SH3D19: variants seen among roughly 807,000 people sequenced by gnomAD.
SH3D19 encodes the protein SH3 domain-containing protein 19.
SH3D19 carries 58 observed loss-of-function variants against 112.1 expected under a neutral mutation model. That is an observed-to-expected ratio of 0.52 (90% confidence interval 0.42 to 0.64). The LOEUF (loss-of-function observed/expected upper bound fraction) is 0.64, where lower values mean the gene tolerates loss of function less well. SH3D19 is among the 30% of genes least tolerant of loss of function. The probability of loss-of-function intolerance (pLI) is 0.00; values close to 1 mark genes in which losing one functional copy is unlikely to be tolerated. For missense variants in SH3D19, 1,090 were observed against 1,263.4 expected (o/e 0.86, Z 2.08); for synonymous variants, 391 against 448.5 (o/e 0.87, Z 1.62).
chr4:151,217,881 G>A (rs1390380268), intron 2 of SH3D19, among the ~76,000 whole-genome samples: 1 of 151,934 alleles, frequency 6.6e-6, no homozygotes, highest in African/African-American at 2.4e-5. Flanking sequence ...TTCTAAATAA[G>A]TTAAAAAAGT....
Position 151,226,192 on chromosome 4 carries a change from C to T in SH3D19, c.113-106G>A. 3.3e-6 allele frequency: 4 copies of T among 1,228,622 alleles called. No homozygotes were observed. The East Asian group carries it at 1.3e-4, about 39-fold the overall frequency. 76.1% of individuals were successfully genotyped at this position (1,228,622 alleles called of 1,614,324 possible). A position where few individuals can be genotyped will look rare whatever the true frequency, so the allele number is the denominator to read the frequency against. ...CCATTAGATTTCACAAAGGACTGTTCAAAGGTAGTTGTGTCTTCCTAAGTA... is the reference window on the plus strand; with the variant it reads ...CCATTAGATTTCACAAAGGACTGTTTAAAGGTAGTTGTGTCTTCCTAAGTA... On this transcript the variant is annotated intron_variant, in intron 1 of 19. Transcript: ENST00000604030.
chr4:151,133,584 C>T (rs1249459776), intron 15 of SH3D19, among the ~76,000 whole-genome samples: 1 of 152,122 alleles, frequency 6.6e-6, no homozygotes, highest in Non-Finnish European at 1.5e-5. Flanking sequence ...ATCATAAATG[C>T]ACTGAGTTGA....
chr4:151,307,028 T>C (rs1219322999), intron 1 of SH3D19, among the ~76,000 whole-genome samples: 1 of 150,330 alleles, frequency 6.7e-6, no homozygotes, highest in Non-Finnish European at 1.5e-5. Flanking sequence ...TTTTTTTTTT[T>C]TTTTTTTTGA....
chr4:151,317,031 C>T (rs1369571364), intron 1 of SH3D19, among the ~76,000 whole-genome samples: 1 of 152,218 alleles, frequency 6.6e-6, no homozygotes, highest in Non-Finnish European at 1.5e-5. Flanking sequence ...TGAAGGGGAA[C>T]ACTGCCACAT....
intron 7 of SH3D19, among the ~76,000 whole-genome samples, chr4:151,174,064 A>C (rs2149823733): frequency 6.6e-6 from 1 of 152,180 alleles, no homozygotes; most frequent in African/African-American, 2.4e-5. Flanking sequence ...AAAACTTTTC[A>C]CTCTCAAGGG....
rs1751056638 is a variant in SH3D19 at position 151,133,025 on chromosome 4, T to C, written c.2689+9A>G. On this transcript the variant is annotated intron_variant, in intron 16 of 19. Transcript: ENST00000604030. ...ACATAACATAATAAAAAAAATTCTC[T>C]ATACTCACTTAAAACATTTGCACCA... 4.3e-6 allele frequency: 7 copies of C among 1,611,312 alleles called. No homozygotes were observed. The highest frequency in any genetic ancestry group is 1.7e-5 in the Admixed American group (1 of 59,734).
Position 151,179,392 on chromosome 4 carries a change from G to A in SH3D19, c.199C>T (p.Arg67Trp), listed in dbSNP as rs1760463999. ...TGAAGTTCACTCTGAATAGAAGTCC[G>A]AGAAGCTGTTGAAGAAGGAATAAAC... ...SIRAVIKRSS[R>W]TSIQSELHRD... Residue 67 changes from arginine (R) to tryptophan (W), a missense_variant, in exon 4 of 20, where the codon CGG becomes TGG. Coordinates refer to ENST00000604030, the MANE Select transcript of SH3D19 (RefSeq NM_001378122.1). The A allele has an allele frequency of 7.3e-6, 9 of 1,230,012 alleles. No individual in the cohort carries two copies. The highest frequency in any genetic ancestry group is 4.1e-5 in the South Asian group (1 of 24,282). The allele number at this position is 1,230,012 out of a possible 1,614,324, so 76.2% of individuals were successfully genotyped here. A position where few individuals can be genotyped will look rare whatever the true frequency, so the allele number is the denominator to read the frequency against.
At chr4:151,310,872 CA>C (rs1466659136) in intron 1 of SH3D19, among the ~76,000 whole-genome samples, 2 of 151,554 alleles carry the variant, frequency 1.3e-5, no homozygotes, top group Non-Finnish European at 2.9e-5. Context: ...CATGCCTGGC[CA>C]ATAAATCCCT....
Position 151,126,956 on chromosome 4 carries a change from C to T in SH3D19, c.3027+662G>A, listed in dbSNP as rs947799423. Reference sequence around the variant, plus strand: ...AACCTCTGGTCATTGCCTTTGTGGACAAGAGTGCAGTGGTGCAATCTCGGC... The same window carrying T: ...AACCTCTGGTCATTGCCTTTGTGGATAAGAGTGCAGTGGTGCAATCTCGGC... On this transcript the variant is annotated intron_variant, in intron 19 of 19. Transcript: ENST00000604030. Among the ~76,000 whole-genome samples the T allele has an allele frequency of 2.7e-5, 4 of 149,304 alleles. No homozygotes were observed. The South Asian group carries it at 8.5e-4, about 32-fold the overall frequency.
intron 19 of SH3D19, among the ~76,000 whole-genome samples, chr4:151,125,894 A>G (rs1374896429): frequency 2.0e-5 from 3 of 150,644 alleles, no homozygotes; most frequent in Non-Finnish European, 4.4e-5. Flanking sequence ...AGAAATATCT[A>G]TTATTTGCTA....
chr4:151,122,246 G>A, intron 19 of SH3D19, 39 bp from the exon 20 acceptor site: 2 of 1,136,406 alleles, frequency 1.8e-6, no homozygotes, highest in Non-Finnish European at 1.3e-6. Flanking sequence ...GGTTTCTGTT[G>A]AGAATAAGCA....
chr4:151,189,335 G>C (rs540151775), intron 2 of SH3D19, among the ~76,000 whole-genome samples: 157 of 152,056 alleles, frequency 1.0e-3, no homozygotes, highest in Admixed American at 2.0e-3. Flanking sequence ...GGATGGTCTC[G>C]ATCTCCTGAC....
intron 2 of SH3D19, among the ~76,000 whole-genome samples, chr4:151,188,799 G>C (rs1439712957): frequency 6.6e-6 from 1 of 152,204 alleles, no homozygotes; most frequent in African/African-American, 2.4e-5. Context: ...AAAAAGAAAT[G>C]TTGATGTCCT....
At chr4:151,137,699 A>G in intron 14 of SH3D19, 33 bp downstream of exon 14, 1 of 1,553,214 alleles carries the variant, frequency 6.4e-7, no homozygotes, top group Non-Finnish European at 8.7e-7. Flanking sequence ...CACTGAGTAT[A>G]TGACCAAATT....
intron 1 of SH3D19, among the ~76,000 whole-genome samples, chr4:151,253,514 G>A (rs908354092): frequency 1.3e-5 from 2 of 152,214 alleles, no homozygotes; most frequent in African/African-American, 4.8e-5. Context: ...GCCTAGGCGG[G>A]CGGATCACGA....
intron 1 of SH3D19, among the ~76,000 whole-genome samples, chr4:151,263,893 C>T (rs907138355): frequency 2.6e-5 from 4 of 152,174 alleles, no homozygotes; most frequent in African/African-American, 9.7e-5. Flanking sequence ...GCAGCCTCGA[C>T]CACCTGGGCT....
At chr4:151,271,356 G>A (rs767281808) in intron 1 of SH3D19, among the ~76,000 whole-genome samples, 3 of 152,162 alleles carry the variant, frequency 2.0e-5, no homozygotes, top group African/African-American at 7.2e-5. Flanking sequence ...CAGATAAAAA[G>A]CTACAAAACT....
At chr4:151,157,702 G>T (rs1200295649) in intron 9 of SH3D19, among the ~76,000 whole-genome samples, 3 of 151,530 alleles carry the variant, frequency 2.0e-5, no homozygotes, top group African/African-American at 7.3e-5. Context: ...TCCAACAACA[G>T]ATAAATGGAT....
chr4:151,310,764 G>T (rs1176612721), intron 1 of SH3D19, among the ~76,000 whole-genome samples: 1 of 151,340 alleles, frequency 6.6e-6, no homozygotes, highest in Non-Finnish European at 1.5e-5. Flanking sequence ...TAGAGACGGG[G>T]TTTCACCATG....
Sources: allele counts gnomAD v4.1 joint callset (sites outside exome capture counted in the v4.1 genomes callset), GRCh38; gene constraint gnomAD v4.1.1; transcripts MANE v1.5; gene names NCBI Gene and HGNC (gene_info 2026-07-23, HGNC 2026-07-21).